TNS1: variants seen among roughly 807,000 people sequenced by gnomAD.
The protein encoded by TNS1 is tensin 1, also known as tensin-1.
TNS1 carries 62 observed loss-of-function variants against 168.6 expected under a neutral mutation model. That is an observed-to-expected ratio of 0.37 (90% CI 0.30 to 0.45). The LOEUF (loss-of-function observed/expected upper bound fraction) is 0.45, where lower values mean the gene tolerates loss of function less well. Among genes scored for constraint, TNS1 ranks in the 20% least tolerant of loss-of-function variants. TNS1 has a pLI of 1.00. For missense variants in TNS1, 2,240 were observed against 2,339.4 expected, an observed-to-expected ratio of 0.96 and a Z score of 0.88; for synonymous variants, 934 against 933.2, an observed-to-expected ratio of 1.00 and a Z score of -0.02.
chr2:217,910,761 C>A (rs900071897), intron 4 of TNS1, among the ~76,000 whole-genome samples: 1 of 146,582 alleles, frequency 6.8e-6, no homozygotes, highest in East Asian at 2.0e-4. Context: ...CACACACACA[C>A]AACCATCCTT....
At chr2:217,980,599 T>A (rs1200606143) in intron 2 of TNS1, among the ~76,000 whole-genome samples, 1 of 151,994 alleles carries the variant, frequency 6.6e-6, no homozygotes, top group Non-Finnish European at 1.5e-5. Context: ...TGGACCTGTC[T>A]GAAGATATCC....
At chr2:218,008,519 C>T (rs1958679621) in intron 1 of TNS1, among the ~76,000 whole-genome samples, 4 of 152,212 alleles carry the variant, frequency 2.6e-5, no homozygotes, top group Non-Finnish European at 5.9e-5. Context: ...AACCCAGAAC[C>T]CAGTGGAATG....
chr2:217,911,329 C>T (rs1279848305), intron 4 of TNS1, among the ~76,000 whole-genome samples: 4 of 152,160 alleles, frequency 2.6e-5, no homozygotes, highest in Non-Finnish European at 5.9e-5. Flanking sequence ...CTCTAGAGTC[C>T]CAAAACCAGC....
At chr2:217,875,306 T>C (rs1316324823) in intron 18 of TNS1, among the ~76,000 whole-genome samples, 1 of 152,196 alleles carries the variant, frequency 6.6e-6, no homozygotes, top group East Asian at 1.9e-4. Flanking sequence ...GAGCCTCTCC[T>C]GACTGATAGA....
In TNS1 at chr2:217,800,897, G is replaced by C. The variant is rs532878562; in HGVS notation, c.*3562C>G. The C allele has an allele frequency of 6.6e-6, 1 of 152,242 alleles. No homozygotes were observed. The highest frequency in any genetic ancestry group is 1.5e-5 in the Non-Finnish European group (1 of 68,100). The allele number at this position is 152,242 out of a possible 1,614,324, so 9.4% of individuals were successfully genotyped here. A position where few individuals can be genotyped will look rare whatever the true frequency, so the allele number is the denominator to read the frequency against. On this transcript the variant is annotated 3_prime_UTR_variant, in exon 33 of 33. Transcript: ENST00000682258. Reference sequence around the variant, plus strand: ...ATGCTCCCCTGGAGCCCCTGCACAGGCTCATCAGAACAAGGCAGAATCTCC... The same window carrying C: ...ATGCTCCCCTGGAGCCCCTGCACAGCCTCATCAGAACAAGGCAGAATCTCC...
chr2:217,938,290 G>T (rs956647078), intron 3 of TNS1, among the ~76,000 whole-genome samples: 13 of 152,242 alleles, frequency 8.5e-5, no homozygotes, highest in Admixed American at 3.9e-4. Context: ...ATACAGCTTG[G>T]CAGGCCTTGA....
chr2:217,860,501 T>C (rs10177999), intron 18 of TNS1, among the ~76,000 whole-genome samples: 4,180 of 151,958 alleles, frequency 0.028, 194 homozygotes, highest in African/African-American at 0.096. Context: ...CTCCATAGAG[T>C]CTTCTAGAAC....
In TNS1 at chr2:217,885,090, G is replaced by C; in HGVS notation, c.1191C>G (p.Ala397=). The C allele has an allele frequency of 6.2e-7, 1 of 1,614,250 alleles. No individual in the cohort carries two copies. The highest frequency in any genetic ancestry group is 1.1e-5 in the South Asian group (1 of 91,084). ...CAAAGACAACCCCCAGGTCATGGAT[G>C]GCACAGGTGTGGAACTGCACACGGA... The part of the protein sequence containing the change: ...VIFRVQFHTC[A]IHDLGVVFGK... The change falls in exon 16 of 33, where the codon GCC becomes GCG. Residue 397 remains alanine (A), a synonymous_variant. Coordinates refer to ENST00000682258, the MANE Select transcript of TNS1 (RefSeq NM_001387777.1).
At chr2:217,996,577 C>T (rs576103465) in intron 1 of TNS1, among the ~76,000 whole-genome samples, 1 of 152,236 alleles carries the variant, frequency 6.6e-6, no homozygotes, top group African/African-American at 2.4e-5. Context: ...CTCTGAGTCA[C>T]TCTCAACTCC....
intron 3 of TNS1, among the ~76,000 whole-genome samples, chr2:217,935,812 C>A (rs2125919171): frequency 6.6e-6 from 1 of 152,326 alleles, no homozygotes; most frequent in South Asian, 2.1e-4. Flanking sequence ...TTGTTTCCTG[C>A]ATTTTACAGG....
intron 18 of TNS1, among the ~76,000 whole-genome samples, chr2:217,874,598 T>C (rs984261881): frequency 1.3e-5 from 2 of 152,310 alleles, no homozygotes; most frequent in African/African-American, 2.4e-5. Flanking sequence ...GAGCCAGCTA[T>C]AGATGGTTCC....
chr2:217,871,560 G>A (rs777684070), intron 18 of TNS1, among the ~76,000 whole-genome samples: 40 of 152,292 alleles, frequency 2.6e-4, no homozygotes, highest in Non-Finnish European at 1.2e-4. Flanking sequence ...TTTCTCCCAC[G>A]TCTTACTCAA....
At chr2:218,029,949 T>G (rs1445645363) in intron 1 of TNS1, among the ~76,000 whole-genome samples, 2 of 152,156 alleles carry the variant, frequency 1.3e-5, no homozygotes, top group African/African-American at 2.4e-5. Context: ...CTCTGTGAGA[T>G]GAGAGGGGTT....
intron 9 of TNS1, 144 bp downstream of exon 9, chr2:217,894,862 G>A (rs1158855488): frequency 1.2e-6 from 1 of 817,394 alleles, no homozygotes; most frequent in Non-Finnish European, 2.0e-6. Flanking sequence ...ATGATAAGTA[G>A]ATCATTTTCC....
At chr2:217,942,922 T>C (rs1480224480) in intron 3 of TNS1, among the ~76,000 whole-genome samples, 1 of 152,066 alleles carries the variant, frequency 6.6e-6, no homozygotes, top group Non-Finnish European at 1.5e-5. Flanking sequence ...TTTCCTCTTC[T>C]AGAACAGTAG....
intron 1 of TNS1, among the ~76,000 whole-genome samples, chr2:218,000,359 G>A: frequency 6.6e-6 from 1 of 152,202 alleles, no homozygotes; most frequent in East Asian, 1.9e-4. Context: ...TAGCTGGTCA[G>A]AGTCCCTGGG....
chr2:217,914,543 C>T lies in TNS1; in HGVS notation c.228+5652G>A, dbSNP rs559903599. On this transcript the variant is annotated intron_variant, in intron 4 of 32. Coordinates refer to ENST00000682258, the MANE Select transcript of TNS1 (RefSeq NM_001387777.1). ...TTGTTTTTGTTTTGACACGGAGTCT[C>T]GCTCTGTCGCCAGACTGGAGTGCAG... Among the ~76,000 whole-genome samples the T allele has an allele frequency of 3.3e-4, 50 of 149,562 alleles. 1 individual carries two copies. The Admixed American group carries it at 3.4e-3, about 10-fold the overall frequency.
In TNS1 at chr2:217,812,284, T is replaced by G. The variant is rs189059147; in HGVS notation, c.5032+84A>C. On this transcript the variant is annotated intron_variant, in intron 28 of 32. Coordinates refer to ENST00000682258, the MANE Select transcript of TNS1 (RefSeq NM_001387777.1). ...ACATGTGTCCTCCAGCCCTGGCCCA[T>G]GTCCGGAGTGGCTGGCAGGATCAAG... 5.5e-4 allele frequency: 638 copies of G among 1,152,190 alleles called. 5 individuals are homozygous for G. In the African/African-American group the frequency reaches 8.6e-3, roughly 16 times the overall value. The allele number at this position is 1,152,190 out of a possible 1,614,324, so 71.4% of individuals were successfully genotyped here. A position where few individuals can be genotyped will look rare whatever the true frequency, so the allele number is the denominator to read the frequency against.
At chr2:217,909,620 G>A (rs1954128802) in intron 4 of TNS1, among the ~76,000 whole-genome samples, 1 of 149,716 alleles carries the variant, frequency 6.7e-6, no homozygotes, top group Non-Finnish European at 1.5e-5. Context: ...CCTACGGTGG[G>A]ACTTAAGGAC....
Sources: gnomAD v4.1 joint callset for allele counts (sites outside exome capture counted in the v4.1 genomes callset) on GRCh38, gnomAD v4.1.1 for gene constraint, MANE v1.5 for transcripts, NCBI Gene and HGNC (gene_info 2026-07-23, HGNC 2026-07-21) for gene names.